PTPRN2: variants seen among roughly 807,000 people sequenced by gnomAD.
The protein encoded by PTPRN2 is protein tyrosine phosphatase receptor type N2, also known as receptor-type tyrosine-protein phosphatase N2.
A neutral mutation model predicts 118.8 loss-of-function variants in PTPRN2; 74 were observed. The ratio of observed to expected loss-of-function variants is 0.62; its 90% CI spans 0.52 to 0.76. The LOEUF (loss-of-function observed/expected upper bound fraction) is 0.76, where lower values mean the gene tolerates loss of function less well. Among genes scored for constraint, PTPRN2 ranks in the 30% least tolerant of loss-of-function variants. The probability of loss-of-function intolerance (pLI) is 0.00; values close to 1 mark genes in which losing one functional copy is unlikely to be tolerated. For missense variants in PTPRN2, 1,481 were observed against 1,394.4 expected (o/e 1.06, Z -0.99); for synonymous variants, 641 against 608.0 (o/e 1.05, Z -0.80).
chr7:158,470,416 G>T (rs1308023577), intron 2 of PTPRN2, among the ~76,000 whole-genome samples: 3 of 152,170 alleles, frequency 2.0e-5, no homozygotes, highest in African/African-American at 7.2e-5. Context: ...ACACAGCGCT[G>T]CCTTCTCCTC....
At position 158,555,167 on chromosome 7, in the gene PTPRN2, TCTA is replaced by T. The variant is rs1238387545; in HGVS notation, c.112+32388_112+32390del. Among the ~76,000 whole-genome samples the T allele has an allele frequency of 6.6e-6, 1 of 152,158 alleles. No individual in the cohort carries two copies. The highest frequency in any genetic ancestry group is 1.5e-5 in the Non-Finnish European group (1 of 68,020). On this transcript the variant is annotated intron_variant, in intron 1 of 22. Transcript: ENST00000389418. This position sits in a 1 kb window ranked among gnomAD's most constrained non-coding sequence, Gnocchi z 4.7. ...GGATCTCCGGTGCTCAGCAGACTGATCTACTGCAAATCACCCCCGACGCAACCA... is the reference window on the plus strand; with the variant it reads ...GGATCTCCGGTGCTCAGCAGACTGATCTGCAAATCACCCCCGACGCAACCA...
Position 158,341,736 on chromosome 7 carries a change from C to T in PTPRN2, c.164-24804G>A, listed in dbSNP as rs569082065. ...TCACCATAGAGCTGACGCCCGCAGACGTCACTCACACCGACACTCTCACCA... is the reference window on the plus strand; with the variant it reads ...TCACCATAGAGCTGACGCCCGCAGATGTCACTCACACCGACACTCTCACCA... On this transcript the variant is annotated intron_variant, in intron 2 of 22. Transcript: ENST00000389418. Among the ~76,000 whole-genome samples, 7 of 145,490 alleles carry T rather than the reference C, an allele frequency of 4.8e-5. No homozygotes were observed. In the East Asian group the frequency reaches 1.0e-3, roughly 21 times the overall value.
chr7:158,565,833 T>A lies in PTPRN2; in HGVS notation c.112+21725A>T, dbSNP rs1486444413. Among the ~76,000 whole-genome samples the A allele has an allele frequency of 6.6e-6, 1 of 152,188 alleles. No homozygotes were observed. Among genetic ancestry groups the A allele is most frequent in the Non-Finnish European group, 1.5e-5 (1 of 68,042 alleles). ...AGATCTGCCTATTGTCTCTGCCAGA[T>A]GCAGGATATTCTGATGAGGAAACCG... is the stretch of plus-strand genomic sequence containing the variant. On this transcript the variant is annotated intron_variant, in intron 1 of 22. Coordinates refer to ENST00000389418, the MANE Select transcript of PTPRN2 (RefSeq NM_002847.5). This position sits in a 1 kb window ranked among gnomAD's most constrained non-coding sequence, Gnocchi z 4.6.
At chr7:158,318,657 C>G (rs1802550815) in intron 2 of PTPRN2, among the ~76,000 whole-genome samples, 1 of 152,262 alleles carries the variant, frequency 6.6e-6, no homozygotes. Context: ...ACTCCCCACC[C>G]TCAGAAGGAA....
At position 158,335,518 on chromosome 7, in the gene PTPRN2, CCAT is replaced by C. The variant is rs1746855656; in HGVS notation, c.164-18589_164-18587del. 4.1e-5 allele frequency among the ~76,000 whole-genome samples: 2 copies of C among 49,336 alleles called. 1 individual carries two copies. The highest frequency in any genetic ancestry group is 8.6e-5 in the Non-Finnish European group (2 of 23,260). The allele number at this position is 49,336 out of a possible 152,430, so 32.4% of individuals were successfully genotyped here. ...GACGTCACTCACACCCACACTCTCA[CCAT>C]AAGAGTTGACACCTGCAGATGTCAC... On this transcript the variant is annotated intron_variant, in intron 2 of 22. Coordinates refer to ENST00000389418, the MANE Select transcript of PTPRN2 (RefSeq NM_002847.5).
chr7:158,334,662 A>G (rs1197613252), intron 2 of PTPRN2, among the ~76,000 whole-genome samples: 6 of 80,180 alleles, frequency 7.5e-5, no homozygotes, highest in African/African-American at 8.3e-5. Context: ...AATTGGTGAC[A>G]CCTGCAGACG....
chr7:158,130,463 ACT>A (rs1818092515), intron 9 of PTPRN2, among the ~76,000 whole-genome samples: 1 of 150,262 alleles, frequency 6.7e-6, no homozygotes, highest in South Asian at 2.1e-4. Flanking sequence ...TACCCAACAC[ACT>A]CATATACACA....
intron 3 of PTPRN2, among the ~76,000 whole-genome samples, chr7:158,235,819 A>G (rs1829494821): frequency 6.6e-6 from 1 of 152,218 alleles, no homozygotes; most frequent in Non-Finnish European, 1.5e-5. Flanking sequence ...TACAAATTAT[A>G]CAATGGTATT....
intron 13 of PTPRN2, among the ~76,000 whole-genome samples, chr7:157,677,329 T>C (rs756898782): frequency 6.6e-6 from 1 of 152,174 alleles, no homozygotes; most frequent in Non-Finnish European, 1.5e-5. Context: ...TAATTAAGTC[T>C]GATCTAATGA....
At chr7:158,245,650 A>G (rs974190275) in intron 3 of PTPRN2, among the ~76,000 whole-genome samples, 6 of 152,018 alleles carry the variant, frequency 3.9e-5, no homozygotes, top group African/African-American at 1.5e-4. Context: ...TACAAAGGCA[A>G]CTCTGCACAT....
At chr7:157,569,453 G>A (rs567194930) in intron 20 of PTPRN2, among the ~76,000 whole-genome samples, 44 of 152,220 alleles carry the variant, frequency 2.9e-4, no homozygotes, top group Non-Finnish European at 6.0e-4. Flanking sequence ...TAGGCTGCCT[G>A]CCACCCCTTC....
intron 11 of PTPRN2, among the ~76,000 whole-genome samples, chr7:158,043,084 G>T (rs1808588667): frequency 6.6e-6 from 1 of 152,136 alleles, no homozygotes; most frequent in East Asian, 1.9e-4. Context: ...TGGTGGCCAT[G>T]CCCATAGTTC....
chr7:158,025,306 T>C (rs796494347), intron 11 of PTPRN2, among the ~76,000 whole-genome samples: 7 of 152,198 alleles, frequency 4.6e-5, no homozygotes, highest in African/African-American at 1.2e-4. Flanking sequence ...CCAAAATACA[T>C]TGTTAATATT....
At chr7:157,860,165 C>T (rs372618350) in intron 12 of PTPRN2, among the ~76,000 whole-genome samples, 2 of 152,240 alleles carry the variant, frequency 1.3e-5, no homozygotes, top group Non-Finnish European at 1.5e-5. Flanking sequence ...AGACTTGCAA[C>T]GACCCAGACC....
chr7:157,960,135 C>G (rs903921604), intron 11 of PTPRN2, among the ~76,000 whole-genome samples: 2 of 139,300 alleles, frequency 1.4e-5, no homozygotes, highest in African/African-American at 5.5e-5. Flanking sequence ...TCATCAGATC[C>G]ATAAAGACAG....
At chr7:157,932,940 G>A (rs767907204) in intron 11 of PTPRN2, among the ~76,000 whole-genome samples, 16 of 150,066 alleles carry the variant, frequency 1.1e-4, no homozygotes, top group Non-Finnish European at 2.2e-4. Flanking sequence ...GACAGTTTTA[G>A]AGGAGGGGTG....
chr7:158,150,185 T>C (rs1310668552), intron 6 of PTPRN2, among the ~76,000 whole-genome samples: 2 of 152,244 alleles, frequency 1.3e-5, no homozygotes, highest in African/African-American at 4.8e-5. Context: ...CGGGGCAGTG[T>C]GTGTGAGACC....
intron 2 of PTPRN2, among the ~76,000 whole-genome samples, chr7:158,440,919 AGTGATAGTGGTGATGGTG>A (rs1309436217): frequency 8.9e-6 from 1 of 112,616 alleles, no homozygotes; most frequent in Non-Finnish European, 1.8e-5. Flanking sequence ...TGATGATGGT[AGTGATAGTGGTGATGGTG>A]GTGGTGATGA....
chr7:158,539,312 G>A (rs1825835815), intron 1 of PTPRN2: 1 of 152,252 alleles, frequency 6.6e-6, no homozygotes, highest in African/African-American at 2.4e-5. Context: ...TATTGGCTGT[G>A]TGCATTTCAT....
Sources: gnomAD v4.1 joint callset for allele counts (sites outside exome capture counted in the v4.1 genomes callset) on GRCh38, gnomAD v4.1.1 for gene constraint, Gnocchi (gnomAD v3.1) non-coding constraint, MANE v1.5 for transcripts, NCBI Gene and HGNC (gene_info 2026-07-23, HGNC 2026-07-21) for gene names.